MYO1B: variants seen among roughly 807,000 people sequenced by gnomAD.
MYO1B encodes myosin IB.
MYO1B carries 72 observed loss-of-function variants against 159.7 expected under a neutral mutation model. That is an observed-to-expected ratio of 0.45 (90% CI 0.37 to 0.55). The LOEUF is 0.55. Ranked by LOEUF, MYO1B falls within the 20% of genes least tolerant of loss-of-function variation. MYO1B has a pLI of 0.00. For synonymous variants in MYO1B, 468 were observed against 473.8 expected (o/e 0.99, Z 0.16); for missense variants, 1,062 against 1,364.8 (o/e 0.78, Z 3.50).
intron 1 of MYO1B, among the ~76,000 whole-genome samples, chr2:191,256,358 G>A (rs906698842): frequency 1.3e-5 from 2 of 152,154 alleles, no homozygotes; most frequent in Non-Finnish European, 2.9e-5. Flanking sequence ...TTATAGTAAG[G>A]ATTAAATGAA....
At chr2:191,325,755 A>G (rs1392248400) in intron 3 of MYO1B, among the ~76,000 whole-genome samples, 2 of 152,104 alleles carry the variant, frequency 1.3e-5, no homozygotes, top group Non-Finnish European at 2.9e-5. Flanking sequence ...TCTGACGAAC[A>G]CTCTGAACAG....
chr2:191,260,692 A>G (rs909602953), intron 1 of MYO1B, among the ~76,000 whole-genome samples: 2 of 152,158 alleles, frequency 1.3e-5, no homozygotes, highest in East Asian at 1.9e-4. Context: ...ATTTTAAAGA[A>G]GTATGTAATT....
rs946796306 is a variant in MYO1B, at chr2:191,349,077, G to A, written c.499-1085G>A. Among the ~76,000 whole-genome samples the A allele has an allele frequency of 3.3e-5, 5 of 152,188 alleles. No individual in the cohort carries two copies. In the East Asian group the frequency reaches 9.6e-4, roughly 29 times the overall value. On this transcript the variant is annotated intron_variant, in intron 6 of 30. Coordinates refer to ENST00000392318, the MANE Select transcript of MYO1B (RefSeq NM_001130158.3). ...TGGCATAGCACCAGGACCCACTGTAGGACATATCCTCCTAGACTGGAATAT... is the reference window on the plus strand; with the variant it reads ...TGGCATAGCACCAGGACCCACTGTAAGACATATCCTCCTAGACTGGAATAT...
At chr2:191,388,718 CT>C (rs1273019985) in intron 17 of MYO1B, among the ~76,000 whole-genome samples, 2 of 150,022 alleles carry the variant, frequency 1.3e-5, no homozygotes, top group Non-Finnish European at 3.0e-5. Context: ...TTTTTTGCAT[CT>C]TAACTCTATT....
Position 191,390,333 on chromosome 2 carries a change from A to G in MYO1B, c.1823A>G (p.Asn608Ser), listed in dbSNP as rs746451088. The G allele has an allele frequency of 3.7e-5, 59 of 1,614,040 alleles. No homozygotes were observed. Among genetic ancestry groups the G allele is most frequent in the South Asian group, 1.2e-4 (11 of 91,072 alleles). Residue 608 changes from asparagine to serine, a missense_variant, in exon 18 of 31, where the codon AAC (asparagine) becomes AGC (serine). By Grantham distance (46) the Asn-to-Ser change is conservative (BLOSUM62 1). Coordinates refer to ENST00000392318, the MANE Select transcript of MYO1B (RefSeq NM_001130158.3). ...GATAAAAAAGCAGCACACATCTTCA[A>G]CGAGGCTCTAGTGTGTCATCAGATC... is the stretch of plus-strand genomic sequence containing the variant. ...PNDKKAAHIF[N>S]EALVCHQIRY... is the part of the protein sequence containing the mutation.
At chr2:191,380,781 G>A (rs1041907299) in intron 13 of MYO1B, among the ~76,000 whole-genome samples, 1 of 152,120 alleles carries the variant, frequency 6.6e-6, no homozygotes, top group African/African-American at 2.4e-5. Context: ...TCTCCATTTG[G>A]TAGGAACTTC....
At chr2:191,369,474 A>C in intron 11 of MYO1B, 68 bp from the exon 12 acceptor site, 1 of 1,162,618 alleles carries the variant, frequency 8.6e-7, no homozygotes, top group Non-Finnish European at 1.3e-6. Context: ...AAGTATCTTT[A>C]TGATTTTATT....
chr2:191,302,673 G>A (rs544942152), intron 3 of MYO1B, among the ~76,000 whole-genome samples: 1 of 152,170 alleles, frequency 6.6e-6, no homozygotes, highest in Non-Finnish European at 1.5e-5. Flanking sequence ...AGTGAGCTGA[G>A]ATGTGTCCTT....
At chr2:191,268,565 G>A (rs1206821506) in intron 1 of MYO1B, among the ~76,000 whole-genome samples, 1 of 152,206 alleles carries the variant, frequency 6.6e-6, no homozygotes, top group Non-Finnish European at 1.5e-5. Flanking sequence ...GGGTATTTAT[G>A]TCTGACAAGA....
Position 191,400,156 on chromosome 2 carries a change from C to T in MYO1B, c.2296-226C>T, listed in dbSNP as rs201477356. The stretch of plus-strand genomic sequence containing the variant: ...ATTTTTCCCATTGTGTATCAGGGTA[C>T]GGGAGGCTGCTGTTCCAATCAAGTG... On this transcript the variant is annotated intron_variant, in intron 21 of 30. Coordinates refer to ENST00000392318, the MANE Select transcript of MYO1B (RefSeq NM_001130158.3). Among the ~76,000 whole-genome samples, 28 of 152,168 alleles carry T rather than the reference C, an allele frequency of 1.8e-4. No homozygotes were observed. In the East Asian group the frequency reaches 3.3e-3, roughly 18 times the overall value.
intron 30 of MYO1B, among the ~76,000 whole-genome samples, chr2:191,420,315 A>G (rs1365244519): frequency 6.6e-6 from 1 of 152,246 alleles, no homozygotes; most frequent in African/African-American, 2.4e-5. Flanking sequence ...ATTACCTATA[A>G]AGTATACCGT....
chr2:191,421,467 C>T (rs1378080613), intron 30 of MYO1B, among the ~76,000 whole-genome samples: 1 of 152,074 alleles, frequency 6.6e-6, no homozygotes, highest in Non-Finnish European at 1.5e-5. Context: ...ATTACACTTA[C>T]AAGTGGTCTT....
intron 13 of MYO1B, among the ~76,000 whole-genome samples, chr2:191,370,723 G>C (rs1694312837): frequency 6.6e-6 from 1 of 152,264 alleles, no homozygotes; most frequent in African/African-American, 2.4e-5. Flanking sequence ...AGCCACAGGA[G>C]GGCTGGACAT....
At chr2:191,323,682 A>G (rs1690871685) in intron 3 of MYO1B, among the ~76,000 whole-genome samples, 2 of 152,156 alleles carry the variant, frequency 1.3e-5, no homozygotes, top group South Asian at 2.1e-4. Flanking sequence ...CATATTCATC[A>G]TATCTTATTT....
At chr2:191,388,057 G>A (rs1695502376) in intron 17 of MYO1B, 1 of 153,848 alleles carries the variant, frequency 6.5e-6, no homozygotes, top group East Asian at 1.9e-4. Flanking sequence ...GCGGAGGCAG[G>A]TGGATCACCT....
At position 191,362,123 on chromosome 2, in the gene MYO1B, A is replaced by T. The variant is rs564306965; in HGVS notation, c.662-145A>T. 3 of 596,148 alleles carry T rather than the reference A, an allele frequency of 5.0e-6. No homozygotes were observed. The African/African-American group carries it at 5.6e-5, about 11-fold the overall frequency. 36.9% of individuals were successfully genotyped at this position (596,148 alleles called of 1,614,324 possible). ...CATTTTAAGAATAATGCTGTTACTG[A>T]TATTTGGGTATAATTTGTGTTCTTT... On this transcript the variant is annotated intron_variant, in intron 8 of 30. Transcript: ENST00000392318.
At chr2:191,248,076 CT>C in intron 1 of MYO1B, 5 of 965,336 alleles carry the variant, frequency 5.2e-6, no homozygotes, top group Non-Finnish European at 6.2e-6. Flanking sequence ...AGCATTTGTC[CT>C]CCTTTGGGTA....
intron 4 of MYO1B, among the ~76,000 whole-genome samples, chr2:191,334,361 A>G (rs368239763): frequency 6.6e-6 from 1 of 152,098 alleles, no homozygotes. Context: ...GGGCTCATGT[A>G]TCTTCCTTAC....
At position 191,366,145 on chromosome 2, in the gene MYO1B, G is replaced by A. The variant is rs537441535; in HGVS notation, c.1032+1869G>A. Among the ~76,000 whole-genome samples, 264 of 152,276 alleles carry A rather than the reference G, an allele frequency of 1.7e-3. 1 individual carries two copies. Among genetic ancestry groups the A allele is most frequent in the African/African-American group, 6.1e-3 (255 of 41,554 alleles). ...AAGTCTGTAAGGAAGCCATGAAAAA[G>A]CCTGTGTTGTTTAAGAAGACCCTTT... On this transcript the variant is annotated intron_variant, in intron 11 of 30. Transcript: ENST00000392318.
Sources: gnomAD v4.1 joint callset for allele counts (sites outside exome capture counted in the v4.1 genomes callset) on GRCh38, gnomAD v4.1.1 for gene constraint, MANE v1.5 for transcripts, NCBI Gene and HGNC (gene_info 2026-07-23, HGNC 2026-07-21) for gene names.